The following MRPL42 variants were observed in gnomAD, a reference collection of about 807,000 sequenced individuals.
MRPL42 encodes mitochondrial ribosomal protein L42, also known as large ribosomal subunit protein mL42.
Under a neutral mutation model 17.9 loss-of-function variants are expected in MRPL42, and 17 were observed. That is an observed-to-expected ratio of 0.95 (90% CI 0.65 to 1.42). The LOEUF (loss-of-function observed/expected upper bound fraction) is 1.42. Ranked by LOEUF, MRPL42 falls within the 40% of genes most tolerant of loss-of-function variation. MRPL42 has a pLI of 0.00. For missense variants in MRPL42, 177 were observed against 175.2 expected (o/e 1.01, Z -0.06); for synonymous variants, 59 against 54.4 (o/e 1.08, Z -0.37).
chr12:93,490,237 T>C (rs1181265207), intron 5 of MRPL42, among the ~76,000 whole-genome samples: 6 of 152,262 alleles, frequency 3.9e-5, no homozygotes, highest in Non-Finnish European at 7.3e-5. Context: ...ATGTTGTCTT[T>C]AGACATTTGT....
intron 5 of MRPL42, among the ~76,000 whole-genome samples, chr12:93,495,999 G>A (rs1217351520): frequency 6.6e-6 from 1 of 152,164 alleles, no homozygotes; most frequent in Non-Finnish European, 1.5e-5. Context: ...CCCATACATT[G>A]TATTAAGGAT....
intron 5 of MRPL42, among the ~76,000 whole-genome samples, chr12:93,489,467 C>A (rs1409813456): frequency 6.6e-6 from 1 of 151,978 alleles, no homozygotes; most frequent in African/African-American, 2.4e-5. Context: ...GGGGGGCAGG[C>A]AACATAGTCT....
chr12:93,492,304 A>G (rs1953430297), intron 5 of MRPL42, among the ~76,000 whole-genome samples: 1 of 152,180 alleles, frequency 6.6e-6, no homozygotes, highest in Non-Finnish European at 1.5e-5. Context: ...ATTTTTAATA[A>G]TAGCCATTCT....
Position 93,479,407 on chromosome 12 carries a change from A to T in MRPL42, c.154A>T (p.Thr52Ser). ...TTTTAGCAACGTAGAGCTTGCTCTG[A>T]CTTCTGATGGCAGGACAATAGTATG... ...DYNCNVELAL[T>S]SDGRTIVCYH... The change falls in exon 4 of 6, where the codon ACT becomes TCT. Residue 52 changes from threonine to serine, a missense_variant. By Grantham distance (58) the Thr-to-Ser change is moderately conservative. Transcript: ENST00000549982. 6.2e-7 allele frequency: 1 copy of T among 1,611,396 alleles called. No homozygotes were observed. Among genetic ancestry groups the T allele is most frequent in the Non-Finnish European group, 8.5e-7 (1 of 1,178,692 alleles).
At chr12:93,470,444 A>G in intron 2 of MRPL42, 1 of 1,263,408 alleles carries the variant, frequency 7.9e-7, no homozygotes, top group Non-Finnish European at 1.0e-6. Context: ...TTTTTATATT[A>G]AACTATGTGA....
chr12:93,500,171 G>T, intron 5 of MRPL42, among the ~76,000 whole-genome samples: 1 of 151,990 alleles, frequency 6.6e-6, no homozygotes, highest in Non-Finnish European at 1.5e-5. Flanking sequence ...ATTTTTACAT[G>T]GTTATCATCA....
intron 2 of MRPL42, among the ~76,000 whole-genome samples, chr12:93,476,449 G>C (rs1468976328): frequency 1.3e-5 from 2 of 152,180 alleles, no homozygotes; most frequent in African/African-American, 2.4e-5. Context: ...GATTACAGGC[G>C]TGAGCCACTG....
At chr12:93,485,632 T>C (rs1049934762) in intron 4 of MRPL42, among the ~76,000 whole-genome samples, 3 of 152,226 alleles carry the variant, frequency 2.0e-5, no homozygotes, top group African/African-American at 2.4e-5. Context: ...CATATTGTTA[T>C]TTTAAAGCAA....
At chr12:93,485,156 A>G (rs1880680839) in intron 4 of MRPL42, among the ~76,000 whole-genome samples, 1 of 139,198 alleles carries the variant, frequency 7.2e-6, no homozygotes, top group Non-Finnish European at 1.6e-5. Context: ...CGTGGCCCAC[A>G]TTGCCTTTTT....
intron 5 of MRPL42, among the ~76,000 whole-genome samples, chr12:93,495,931 TAAA>T (rs1000322548): frequency 3.3e-5 from 5 of 152,198 alleles, no homozygotes; most frequent in Non-Finnish European, 7.3e-5. Context: ...CTGAACACCT[TAAA>T]GAAGCTGTGA....
chr12:93,504,637 G>A lies in MRPL42; in HGVS notation c.*3416G>A, dbSNP rs1953647332. 1 of 152,060 alleles carries A rather than the reference G, an allele frequency of 6.6e-6. No homozygotes were observed. The highest frequency in any genetic ancestry group is 6.5e-5 in the Admixed American group (1 of 15,274). 9.4% of individuals were successfully genotyped at this position (152,060 alleles called of 1,614,324 possible). ...AGGTCCTAGCTTAAACCTATAAGAG[G>A]CCTTATTATGGGCTTATTTCCTTTG... On this transcript the variant is annotated 3_prime_UTR_variant, in exon 6 of 6. Transcript: ENST00000549982.
intron 4 of MRPL42, among the ~76,000 whole-genome samples, chr12:93,484,689 T>G (rs1372458668): frequency 6.6e-6 from 1 of 151,500 alleles, no homozygotes; most frequent in African/African-American, 2.4e-5. Flanking sequence ...CTCTGCCTAC[T>G]GGGTTCAAAC....
chr12:93,473,058 A>G (rs566631174), intron 2 of MRPL42, among the ~76,000 whole-genome samples: 1 of 152,220 alleles, frequency 6.6e-6, no homozygotes, highest in Non-Finnish European at 1.5e-5. Flanking sequence ...TTTAGCTTTC[A>G]TAGCTCTTTC....
chr12:93,479,568 C>A, intron 4 of MRPL42, 96 bp downstream of exon 4: 1 of 642,988 alleles, frequency 1.6e-6, no homozygotes. Flanking sequence ...ATCTGATTTT[C>A]TTTGTTTTAG....
At chr12:93,491,502 A>T (rs1003204152) in intron 5 of MRPL42, among the ~76,000 whole-genome samples, 3 of 152,116 alleles carry the variant, frequency 2.0e-5, no homozygotes, top group African/African-American at 7.3e-5. Flanking sequence ...GTGCTATATG[A>T]GCTATATGCT....
Position 93,508,847 on chromosome 12 carries a change from T to C in MRPL42, c.*7626T>C, listed in dbSNP as rs1428819406. On this transcript the variant is annotated 3_prime_UTR_variant, in exon 6 of 6. Transcript: ENST00000549982. ...ATCATTTCCTTATCAGTTTAAACCA[T>C]ATATATTTTAACACTGTCTCTTTTT... is the stretch of plus-strand genomic sequence containing the variant. 6.6e-6 allele frequency: 1 copy of C among 152,146 alleles called. No homozygotes were observed. Among genetic ancestry groups the C allele is most frequent in the Admixed American group, 6.6e-5 (1 of 15,260 alleles). 9.4% of individuals were successfully genotyped at this position (152,146 alleles called of 1,614,324 possible).
intron 1 of MRPL42, among the ~76,000 whole-genome samples, chr12:93,468,544 A>G (rs1486864799): frequency 6.6e-6 from 1 of 152,244 alleles, no homozygotes; most frequent in African/African-American, 2.4e-5. Context: ...TTCATGAATC[A>G]GAATAAAGAT....
At chr12:93,479,869 G>C (rs1220857916) in intron 4 of MRPL42, among the ~76,000 whole-genome samples, 1 of 103,488 alleles carries the variant, frequency 9.7e-6, no homozygotes, top group Non-Finnish European at 2.1e-5. Flanking sequence ...TATTGGTTCT[G>C]ACAGTTTTTT....
chr12:93,469,386 C>G (rs4761721), intron 2 of MRPL42, 31 bp downstream of exon 2: 791,162 of 1,500,532 alleles, frequency 0.53, 208,638 homozygotes, highest in Admixed American at 0.55. Flanking sequence ...TGTTTAAAAA[C>G]TTTTAAACTT....
Sources: allele counts gnomAD v4.1 joint callset (sites outside exome capture counted in the v4.1 genomes callset), GRCh38; gene constraint gnomAD v4.1.1; transcripts MANE v1.5; gene names NCBI Gene and HGNC (gene_info 2026-07-23, HGNC 2026-07-21).